POU3F3: variants seen among roughly 807,000 people sequenced by gnomAD.
POU3F3 encodes the protein POU class 3 homeobox 3.
Under a neutral mutation model 8.6 loss-of-function variants are expected in POU3F3, and 1 was observed. The ratio of observed to expected loss-of-function variants is 0.12; its 90% CI spans 0.04 to 0.55. POU3F3 has a LOEUF of 0.55. Among genes scored for constraint, POU3F3 ranks in the 20% least tolerant of loss-of-function variants. POU3F3 has a pLI of 0.91. For synonymous variants in POU3F3, 418 were observed against 327.4 expected, an observed-to-expected ratio of 1.28 and a Z score of -2.99; for missense variants, 577 against 690.7, an observed-to-expected ratio of 0.84 and a Z score of 1.84.
chr2:104,898,100 T>A, the POU3F3 span, among the ~76,000 whole-genome samples: 1 of 152,112 alleles, frequency 6.6e-6, no homozygotes, highest in Non-Finnish European at 1.5e-5. Context: ...GGAGCCCTTG[T>A]GAGTGTCGTG....
the POU3F3 span, among the ~76,000 whole-genome samples, chr2:104,898,141 C>T: frequency 6.6e-6 from 1 of 152,050 alleles, no homozygotes; most frequent in Non-Finnish European, 1.5e-5. Context: ...AAGAAGAGGC[C>T]GGAGAGCCAG....
the POU3F3 span, among the ~76,000 whole-genome samples, chr2:104,899,474 T>C: frequency 1.3e-5 from 2 of 152,352 alleles, no homozygotes; most frequent in East Asian, 3.9e-4. Context: ...TTTATCTATA[T>C]GTGGTGTGTC....
the POU3F3 span, among the ~76,000 whole-genome samples, chr2:104,911,983 C>T: frequency 6.6e-6 from 1 of 152,178 alleles, no homozygotes; most frequent in South Asian, 2.1e-4. Flanking sequence ...GAAGTCAAGT[C>T]TATCAATAAA....
chr2:104,922,264 C>T, the POU3F3 span, among the ~76,000 whole-genome samples: 1 of 151,328 alleles, frequency 6.6e-6, no homozygotes, highest in South Asian at 2.1e-4. Context: ...AATCATAAGG[C>T]ATACAAAGAA....
At chr2:104,900,356 AAAG>A in the POU3F3 span, among the ~76,000 whole-genome samples, 3 of 152,224 alleles carry the variant, frequency 2.0e-5, no homozygotes, top group Non-Finnish European at 4.4e-5. Context: ...GGTAAAGAAG[AAAG>A]AAGAACCGTG....
At chr2:104,889,093 C>G in the POU3F3 span, among the ~76,000 whole-genome samples, 3 of 152,194 alleles carry the variant, frequency 2.0e-5, no homozygotes, top group Non-Finnish European at 4.4e-5. Context: ...CAATGAGAAC[C>G]TACTAGGAGC....
At position 104,854,247 on chromosome 2, in the gene POU3F3, C is replaced by A. The variant is rs367605890; in HGVS notation, c.-1264C>A. Among the ~76,000 whole-genome samples the A allele has an allele frequency of 6.6e-6, 1 of 151,976 alleles. No homozygotes were observed. Among genetic ancestry groups the A allele is most frequent in the South Asian group, 2.1e-4 (1 of 4,806 alleles). On this transcript the variant is annotated 5_prime_UTR_variant, in exon 1 of 1. Coordinates refer to ENST00000361360, the MANE Select transcript of POU3F3 (RefSeq NM_006236.3). This position sits in a 1 kb window ranked among gnomAD's most constrained non-coding sequence, Gnocchi z 4.5. ...GTGAGAGAGGGAAAGAGAGCGCGAA[C>A]GAGGGCGCAGAGCGAGCTCCTGCTG...
chr2:104,871,819 A>C, the POU3F3 span, among the ~76,000 whole-genome samples: 1 of 152,222 alleles, frequency 6.6e-6, no homozygotes, highest in Non-Finnish European at 1.5e-5. Context: ...GCAAGTCAAA[A>C]AGAAACTCAA....
chr2:104,857,085 C>G lies in POU3F3; in HGVS notation c.*72C>G, dbSNP rs1389983020. 8 of 1,019,348 alleles carry G rather than the reference C, an allele frequency of 7.8e-6. No individual in the cohort carries two copies. The highest frequency in any genetic ancestry group is 8.2e-6 in the Non-Finnish European group (7 of 853,200). The allele number at this position is 1,019,348 out of a possible 1,614,324, so 63.1% of individuals were successfully genotyped here. A position where few individuals can be genotyped will look rare whatever the true frequency, so the allele number is the denominator to read the frequency against. ...AGCCGCCGTCAGCACCGCCGCCGCC[C>G]CTGCCGCCGCCGCCGCCGCCGCCGC... On this transcript the variant is annotated 3_prime_UTR_variant, in exon 1 of 1. Transcript: ENST00000361360.
At chr2:104,872,382 A>T in the POU3F3 span, 3 of 456,226 alleles carry the variant, frequency 6.6e-6, no homozygotes, top group South Asian at 4.7e-5. The surrounding 1 kb of genome is among the most constrained non-coding windows in gnomAD (Gnocchi z 4.6). Context: ...CGCTTCTTGC[A>T]GAAAACCGGG....
At chr2:104,878,023 G>T in the POU3F3 span, among the ~76,000 whole-genome samples, 1 of 152,134 alleles carries the variant, frequency 6.6e-6, no homozygotes, top group African/African-American at 2.4e-5. Flanking sequence ...TGTCCTCATG[G>T]GAAGAAGGAC....
At chr2:104,918,282 G>C in the POU3F3 span, among the ~76,000 whole-genome samples, 1 of 152,182 alleles carries the variant, frequency 6.6e-6, no homozygotes, top group Non-Finnish European at 1.5e-5. Flanking sequence ...CTGGTGACCC[G>C]TGAACTAAGA....
At chr2:104,867,257 G>C in the POU3F3 span, 2 of 152,246 alleles carry the variant, frequency 1.3e-5, no homozygotes, top group African/African-American at 4.8e-5. This position sits in a 1 kb window ranked among gnomAD's most constrained non-coding sequence, Gnocchi z 5.0. Context: ...CGCAGAAGGG[G>C]ATCTGGAAGA....
the POU3F3 span, among the ~76,000 whole-genome samples, chr2:104,868,718 G>T: frequency 1.3e-5 from 2 of 152,204 alleles, no homozygotes; most frequent in Non-Finnish European, 2.9e-5. Flanking sequence ...GGTTTGGGCA[G>T]AGGAGGGGGA....
chr2:104,868,753 C>T, the POU3F3 span, among the ~76,000 whole-genome samples: 17 of 152,198 alleles, frequency 1.1e-4, no homozygotes, highest in African/African-American at 3.9e-4. Flanking sequence ...CAAGCCCCCA[C>T]CCCTGGTTAC....
At chr2:104,868,409 C>T in the POU3F3 span, 15 of 455,404 alleles carry the variant, frequency 3.3e-5, no homozygotes, top group South Asian at 1.6e-4. Flanking sequence ...AAGGGGTAGG[C>T]GTGGATGTAA....
At chr2:104,915,434 AGCAAGTCTCTG>A in the POU3F3 span, among the ~76,000 whole-genome samples, 1,365 of 152,294 alleles carry the variant, frequency 9.0e-3, 25 homozygotes, top group African/African-American at 0.031. Flanking sequence ...TTACACATAG[AGCAAGTCTCTG>A]GCAAAATTAT....
chr2:104,900,740 C>T, the POU3F3 span, among the ~76,000 whole-genome samples: 1 of 152,148 alleles, frequency 6.6e-6, no homozygotes, highest in South Asian at 2.1e-4. Flanking sequence ...ATGTATTTTC[C>T]TTGACTCACC....
rs1390934533 is a variant in POU3F3 at position 104,857,188 on chromosome 2, TCCACCCAGA to T, written c.*176_*184del. 1.5e-6 allele frequency: 1 copy of T among 689,372 alleles called. No individual in the cohort carries two copies. Among genetic ancestry groups the T allele is most frequent in the Admixed American group, 6.4e-5 (1 of 15,716 alleles). 42.7% of individuals were successfully genotyped at this position (689,372 alleles called of 1,614,324 possible). A position where few individuals can be genotyped will look rare whatever the true frequency, so the allele number is the denominator to read the frequency against. ...CCCAGGCCCATCCGCCGCCCTCCCC[TCCACCCAGA>T]GACAGGCATGCCCGCCCTTGGAGGA... On this transcript the variant is annotated 3_prime_UTR_variant, in exon 1 of 1. Coordinates refer to ENST00000361360, the MANE Select transcript of POU3F3 (RefSeq NM_006236.3).
Sources: allele counts gnomAD v4.1 joint callset (sites outside exome capture counted in the v4.1 genomes callset), GRCh38; gene constraint gnomAD v4.1.1; non-coding constraint Gnocchi (gnomAD v3.1); transcripts MANE v1.5; gene names NCBI Gene and HGNC (gene_info 2026-07-23, HGNC 2026-07-21).